Variants in GPR39 observed in about 807,000 individuals in gnomAD.
The protein encoded by GPR39 is G protein-coupled receptor 39, also known as zinc sensing receptor.
In GPR39, 23 loss-of-function variants were observed where a neutral mutation model predicts 18.4. The ratio of observed to expected loss-of-function variants is 1.25; its 90% CI spans 0.90 to 1.77. GPR39 has a LOEUF of 1.77. Among genes scored for constraint, GPR39 ranks in the 40% most tolerant of loss-of-function variants. GPR39 has a pLI of 0.00. For missense variants in GPR39, 647 were observed against 602.4 expected (o/e 1.07, Z -0.78); for synonymous variants, 280 against 257.9 (o/e 1.09, Z -0.82).
intron 1 of GPR39, among the ~76,000 whole-genome samples, chr2:132,512,513 T>A (rs1319777693): frequency 6.6e-6 from 1 of 152,180 alleles, no homozygotes; most frequent in Non-Finnish European, 1.5e-5. Flanking sequence ...CTCAGGCAGA[T>A]CAGAGGTTGG....
chr2:132,461,527 T>C (rs1209125403), intron 1 of GPR39, among the ~76,000 whole-genome samples: 1 of 152,264 alleles, frequency 6.6e-6, no homozygotes, highest in African/African-American at 2.4e-5. Flanking sequence ...CTCAGGCTGC[T>C]AACACAACAG....
chr2:132,490,349 A>G (rs981831624), intron 1 of GPR39, among the ~76,000 whole-genome samples: 2 of 151,942 alleles, frequency 1.3e-5, no homozygotes, highest in Non-Finnish European at 2.9e-5. Context: ...AAAGAAATCC[A>G]GTTTTCTTTT....
chr2:132,603,951 A>G (rs77098357), intron 1 of GPR39, among the ~76,000 whole-genome samples: 3,739 of 152,224 alleles, frequency 0.025, 159 homozygotes, highest in African/African-American at 0.083. Context: ...AGGAAAATGT[A>G]TGTGCACATT....
chr2:132,624,800 C>T lies in GPR39; in HGVS notation c.857-20301C>T, dbSNP rs75436822. ...GTGTGCAGTGTATAGTATGTCGTTG[C>T]GTGAATATTCCACAGTTAGTCTGTG... On this transcript the variant is annotated intron_variant, in intron 1 of 1. Transcript: ENST00000329321. Among the ~76,000 whole-genome samples, 13 of 152,318 alleles carry T rather than the reference C, an allele frequency of 8.5e-5. No homozygotes were observed. The East Asian group carries it at 1.9e-3, about 23-fold the overall frequency.
chr2:132,481,043 G>C (rs1681224432), intron 1 of GPR39, among the ~76,000 whole-genome samples: 1 of 152,162 alleles, frequency 6.6e-6, no homozygotes, highest in Non-Finnish European at 1.5e-5. Context: ...TTTCTTTACT[G>C]AAAAACACCG....
At chr2:132,454,188 G>A (rs1680679316) in intron 1 of GPR39, among the ~76,000 whole-genome samples, 1 of 152,090 alleles carries the variant, frequency 6.6e-6, no homozygotes, top group South Asian at 2.1e-4. Context: ...CCTTGAAGAG[G>A]TCCTTCACAT....
chr2:132,471,493 A>G (rs1224418852), intron 1 of GPR39, among the ~76,000 whole-genome samples: 1 of 151,974 alleles, frequency 6.6e-6, no homozygotes, highest in Non-Finnish European at 1.5e-5. Context: ...AGCCTCCACA[A>G]ATATTTCATA....
At chr2:132,484,275 T>C (rs969129282) in intron 1 of GPR39, among the ~76,000 whole-genome samples, 1 of 152,246 alleles carries the variant, frequency 6.6e-6, no homozygotes, top group Non-Finnish European at 1.5e-5. Flanking sequence ...GAGAATTCTG[T>C]GTCCTTTGTG....
intron 1 of GPR39, among the ~76,000 whole-genome samples, chr2:132,599,153 G>C (rs1186598136): frequency 6.6e-6 from 1 of 152,028 alleles, no homozygotes. Context: ...AGCGGCTCCT[G>C]CTGGGCAGAT....
chr2:132,550,025 A>G (rs201179874), intron 1 of GPR39, among the ~76,000 whole-genome samples: 2 of 112,420 alleles, frequency 1.8e-5, no homozygotes, highest in African/African-American at 6.9e-5. Context: ...GAGACAGAGT[A>G]TTCTGAAAGC....
intron 1 of GPR39, among the ~76,000 whole-genome samples, chr2:132,599,464 A>G (rs1681003223): frequency 6.6e-6 from 1 of 152,032 alleles, no homozygotes; most frequent in African/African-American, 2.4e-5. Context: ...TGTAGCTGGG[A>G]GAGAATTTTT....
At chr2:132,537,143 G>T (rs1248284449) in intron 1 of GPR39, among the ~76,000 whole-genome samples, 3 of 152,194 alleles carry the variant, frequency 2.0e-5, no homozygotes, top group African/African-American at 7.2e-5. Flanking sequence ...CACACTAGTT[G>T]ATGCAGTTTC....
chr2:132,443,149 C>T (rs1269052729), intron 1 of GPR39, among the ~76,000 whole-genome samples: 1 of 152,120 alleles, frequency 6.6e-6, no homozygotes, highest in Non-Finnish European at 1.5e-5. Context: ...AATACAATCA[C>T]ATTTTATTTT....
At chr2:132,537,831 C>T (rs1026175709) in intron 1 of GPR39, among the ~76,000 whole-genome samples, 4 of 151,710 alleles carry the variant, frequency 2.6e-5, no homozygotes, top group East Asian at 1.9e-4. Context: ...TCTGCTTGAT[C>T]GATTCGACTA....
intron 1 of GPR39, among the ~76,000 whole-genome samples, chr2:132,515,508 A>T (rs1317601218): frequency 6.6e-6 from 1 of 152,206 alleles, no homozygotes; most frequent in African/African-American, 2.4e-5. Context: ...TTTATCAGGT[A>T]TCAGAATGCA....
chr2:132,424,329 T>G (rs1680073302), intron 1 of GPR39, among the ~76,000 whole-genome samples: 1 of 152,188 alleles, frequency 6.6e-6, no homozygotes, highest in Non-Finnish European at 1.5e-5. Flanking sequence ...GGTGACATTT[T>G]GAAAATATTA....
chr2:132,433,632 G>A (rs1680261498), intron 1 of GPR39: 1 of 151,230 alleles, frequency 6.6e-6, no homozygotes, highest in Admixed American at 6.6e-5. Context: ...GTCTGCAACT[G>A]CAGTTGCCCT....
intron 1 of GPR39, among the ~76,000 whole-genome samples, chr2:132,434,748 GA>G (rs1680282208): frequency 6.6e-6 from 1 of 152,176 alleles, no homozygotes; most frequent in African/African-American, 2.4e-5. Context: ...TCCTGGTGGA[GA>G]AAACTGTCCA....
intron 1 of GPR39, among the ~76,000 whole-genome samples, chr2:132,457,284 T>G (rs1680745578): frequency 6.6e-6 from 1 of 152,208 alleles, no homozygotes; most frequent in African/African-American, 2.4e-5. Flanking sequence ...CTATTGAAGC[T>G]TATGCGTGCA....
Sources: gnomAD v4.1 joint callset for allele counts (sites outside exome capture counted in the v4.1 genomes callset) on GRCh38, gnomAD v4.1.1 for gene constraint, MANE v1.5 for transcripts, NCBI Gene and HGNC (gene_info 2026-07-23, HGNC 2026-07-21) for gene names.